The following CCNH variants were observed in gnomAD, a reference collection of about 807,000 sequenced individuals.
The protein encoded by CCNH is cyclin H.
In CCNH, 31 loss-of-function variants were observed where a neutral mutation model predicts 41.9. The observed-to-expected ratio is 0.74, with a 90% CI of 0.56 to 1.00. CCNH has a LOEUF of 1.00. Among genes scored for constraint, CCNH ranks in the 50% least tolerant of loss-of-function variants. The pLI is 0.00. For missense variants in CCNH, 362 were observed against 388.4 expected, an observed-to-expected ratio of 0.93 and a Z score of 0.57; for synonymous variants, 138 against 136.1, an observed-to-expected ratio of 1.01 and a Z score of -0.10.
chr5:87,396,213 A>T (rs565744589), intron 7 of CCNH, among the ~76,000 whole-genome samples: 1 of 152,332 alleles, frequency 6.6e-6, no homozygotes, highest in South Asian at 2.1e-4. Context: ...ATATGCAAAT[A>T]CGCCATTTTG....
intron 3 of CCNH, among the ~76,000 whole-genome samples, 185 bp from the exon 4 acceptor site, chr5:87,408,371 T>C (rs1048746727): frequency 2.0e-5 from 3 of 152,178 alleles, no homozygotes; most frequent in African/African-American, 7.2e-5. Context: ...TCACACTTCA[T>C]TAGGAGACGT....
chr5:87,312,477 T>G, the CCNH span, among the ~76,000 whole-genome samples: 4 of 152,184 alleles, frequency 2.6e-5, no homozygotes, highest in African/African-American at 7.2e-5. Flanking sequence ...ATTTTCTGAG[T>G]TCTAATTTCT....
intron 9 of CCNH, among the ~76,000 whole-genome samples, chr5:87,360,343 C>T (rs1006181998): frequency 6.6e-6 from 1 of 152,054 alleles, no homozygotes; most frequent in Non-Finnish European, 1.5e-5. Flanking sequence ...CCAGGCTGGG[C>T]GAACTCCTGA....
chr5:87,341,173 A>T (rs950283098), intron 9 of CCNH: 1 of 536,190 alleles, frequency 1.9e-6, no homozygotes, highest in Non-Finnish European at 2.9e-6. Flanking sequence ...CTTTTTTTAT[A>T]TAAACATAAA....
intron 1 of CCNH, chr5:87,412,472 C>T (rs1398437093): frequency 7.1e-7 from 1 of 1,416,040 alleles, no homozygotes; most frequent in Non-Finnish European, 9.2e-7. Context: ...GGTTACTTGT[C>T]TGCCATTCGA....
downstream of CCNH, chr5:87,386,707 A>C (rs539621942): frequency 8.7e-6 from 7 of 806,968 alleles, no homozygotes; most frequent in African/African-American, 8.4e-5. Flanking sequence ...TTGCTATATT[A>C]ATTTGGTGCA....
upstream of CCNH, chr5:87,379,850 C>T (rs138785106): frequency 9.1e-5 from 146 of 1,611,544 alleles, no homozygotes; most frequent in African/African-American, 1.5e-4. Context: ...ATACTTCCAC[C>T]GTAAGTGGTG....
chr5:87,343,073 C>G (rs933329581), intron 9 of CCNH, among the ~76,000 whole-genome samples: 1 of 151,874 alleles, frequency 6.6e-6, no homozygotes, highest in African/African-American at 2.4e-5. Flanking sequence ...TATGTTTGTT[C>G]CCTTTAATTT....
chr5:87,391,528 T>G (rs1420895938), downstream of CCNH: 1 of 237,762 alleles, frequency 4.2e-6, no homozygotes, highest in Non-Finnish European at 8.3e-6. Context: ...AACATACGAC[T>G]TATTTTGTTG....
chr5:87,412,859 G>GT lies in CCNH; in HGVS notation c.-66dup, dbSNP rs1764381031. ...AACCCAAACGCATCAGCGTCCTGGC[G>GT]TAAAACACCCGTACCCCCACCGAAG... On this transcript the variant is annotated 5_prime_UTR_variant, in exon 1 of 9. Coordinates refer to ENST00000256897, the MANE Select transcript of CCNH (RefSeq NM_001239.4). The GT allele has an allele frequency of 1.3e-6, 2 of 1,584,868 alleles. No homozygotes were observed. Among genetic ancestry groups the GT allele is most frequent in the Admixed American group, 3.4e-5 (2 of 58,964 alleles).
At chr5:87,338,674 T>G (rs1758212650) in intron 9 of CCNH, among the ~76,000 whole-genome samples, 1 of 150,628 alleles carries the variant, frequency 6.6e-6, no homozygotes. Flanking sequence ...GCCCGGCCTA[T>G]TTGTGCTTAT....
chr5:87,345,467 T>C (rs985139888), intron 9 of CCNH, among the ~76,000 whole-genome samples: 2 of 152,156 alleles, frequency 1.3e-5, no homozygotes, highest in Non-Finnish European at 2.9e-5. Context: ...TTGTAGTAAG[T>C]GGTCATTTAG....
chr5:87,394,163 C>T (rs961906842), downstream of CCNH: 2 of 800,886 alleles, frequency 2.5e-6, no homozygotes, highest in Non-Finnish European at 3.2e-6. Flanking sequence ...TTAAAAAAAG[C>T]ATAGGTTTGC....
intron 2 of CCNH, among the ~76,000 whole-genome samples, chr5:87,410,526 G>A (rs934877751): frequency 1.3e-5 from 2 of 151,874 alleles, no homozygotes; most frequent in African/African-American, 2.4e-5. Context: ...AGCTAGTCAC[G>A]CTGTATAACT....
chr5:87,404,743 T>C (rs907930800), intron 5 of CCNH, 101 bp downstream of exon 5: 4 of 937,570 alleles, frequency 4.3e-6, no homozygotes, highest in Non-Finnish European at 6.2e-6. Flanking sequence ...TCACCAACCA[T>C]CCCAGCCACA....
chr5:87,317,979 G>C (rs1359877105), downstream of CCNH, among the ~76,000 whole-genome samples: 1 of 151,702 alleles, frequency 6.6e-6, no homozygotes, highest in Non-Finnish European at 1.5e-5. Context: ...ATTTTTTTTA[G>C]AGCTTTGCCT....
Position 87,344,780 on chromosome 5 carries a change from A to C in CCNH, c.*91-25883T>G, listed in dbSNP as rs1223358912. Among the ~76,000 whole-genome samples, 8 of 151,110 alleles carry C rather than the reference A, an allele frequency of 5.3e-5. No homozygotes were observed. The East Asian group carries it at 1.6e-3, about 30-fold the overall frequency. ...GTGATCCTCCCACCTTGGCCTTCCA[A>C]AGTGTTGGGATTACAGGTGTGAGCC... On this transcript the variant is annotated intron_variant and NMD_transcript_variant, in intron 9 of 9. Transcript: ENST00000645953.
chr5:87,383,861 T>G (rs966563330), intron 9 of CCNH: 28 of 781,356 alleles, frequency 3.6e-5, no homozygotes, highest in Admixed American at 6.4e-5. Context: ...TCTTAAATCT[T>G]TTTTTTTTTT....
chr5:87,338,255 C>G (rs960674950), intron 9 of CCNH, among the ~76,000 whole-genome samples: 1 of 151,842 alleles, frequency 6.6e-6, no homozygotes, highest in East Asian at 1.9e-4. Flanking sequence ...GGAACATAAT[C>G]AGGCTAGCAT....
Sources: gnomAD v4.1 joint callset for allele counts (sites outside exome capture counted in the v4.1 genomes callset) on GRCh38, gnomAD v4.1.1 for gene constraint, MANE v1.5 for transcripts, NCBI Gene and HGNC (gene_info 2026-07-23, HGNC 2026-07-21) for gene names.